SEC11A: variants seen among roughly 807,000 people sequenced by gnomAD.
SEC11A encodes the protein SEC11 homolog A, signal peptidase complex subunit, also known as signal peptidase complex catalytic subunit SEC11A.
In SEC11A, 14 loss-of-function variants were observed where a neutral mutation model predicts 25.6. That is an observed-to-expected ratio of 0.55 (90% CI 0.36 to 0.85). The LOEUF is 0.85. SEC11A is among the 40% of genes least tolerant of loss of function. The probability of loss-of-function intolerance (pLI) is 0.01; values close to 1 mark genes in which losing one functional copy is unlikely to be tolerated. For missense variants in SEC11A, 153 were observed against 222.9 expected (o/e 0.69, Z 2.00); for synonymous variants, 83 against 76.4 (o/e 1.09, Z -0.45).
At chr15:84,680,853 C>T (rs1249040501) in intron 3 of SEC11A, 21 bp from the exon 4 acceptor site, 1 of 1,581,806 alleles carries the variant, frequency 6.3e-7, no homozygotes, top group Admixed American at 1.8e-5. Context: ...TAAAGGAAAC[C>T]CAAGTCATCA....
At chr15:84,671,618 ATAATTAGTTG>A (rs771105392) in intron 4 of SEC11A, 3 of 152,206 alleles carry the variant, frequency 2.0e-5, no homozygotes, top group Non-Finnish European at 4.4e-5. Flanking sequence ...TTTTACTTAA[ATAATTAGTTG>A]TACAACAGAT....
intron 1 of SEC11A, among the ~76,000 whole-genome samples, chr15:84,700,018 A>G (rs1196577902): frequency 6.6e-6 from 1 of 151,940 alleles, no homozygotes; most frequent in African/African-American, 2.4e-5. Context: ...GTAGTGCAAA[A>G]TTAGCCACAG....
At chr15:84,712,429 C>T (rs972063826) in intron 1 of SEC11A, among the ~76,000 whole-genome samples, 1 of 149,642 alleles carries the variant, frequency 6.7e-6, no homozygotes. Context: ...AAAACTGAAA[C>T]ATACTCTTTT....
chr15:84,680,971 A>G, intron 3 of SEC11A, 139 bp from the exon 4 acceptor site: 1 of 669,596 alleles, frequency 1.5e-6, no homozygotes, highest in Non-Finnish European at 2.4e-6. Context: ...TTATTTATGG[A>G]GCTACAAGAA....
chr15:84,690,300 T>G (rs1295141833), intron 2 of SEC11A, among the ~76,000 whole-genome samples: 1 of 152,204 alleles, frequency 6.6e-6, no homozygotes, highest in Non-Finnish European at 1.5e-5. Flanking sequence ...TCTGCCGCCA[T>G]GTGAGACCTG....
At chr15:84,692,224 G>T (rs539390223) in intron 1 of SEC11A, 1 of 152,032 alleles carries the variant, frequency 6.6e-6, no homozygotes, top group Admixed American at 6.6e-5. Flanking sequence ...TAGAAACTGG[G>T]TTTCACCATG....
intron 1 of SEC11A, among the ~76,000 whole-genome samples, chr15:84,700,149 A>T (rs751974447): frequency 1.9e-4 from 29 of 151,934 alleles, no homozygotes; most frequent in Non-Finnish European, 3.8e-4. Context: ...GCAAATCCAA[A>T]CATATCCAGC....
intron 1 of SEC11A, among the ~76,000 whole-genome samples, chr15:84,692,576 C>G (rs958484101): frequency 2.0e-5 from 3 of 152,042 alleles, no homozygotes; most frequent in Non-Finnish European, 2.9e-5. Context: ...GACGGCATTT[C>G]AATTTCAAAT....
chr15:84,679,997 T>A (rs1391212091), intron 4 of SEC11A: 1 of 1,423,824 alleles, frequency 7.0e-7, no homozygotes, highest in African/African-American at 1.4e-5. Flanking sequence ...AATATAACTT[T>A]TTAATTTCAT....
chr15:84,701,496 G>A (rs369383227), intron 1 of SEC11A, among the ~76,000 whole-genome samples: 4 of 149,814 alleles, frequency 2.7e-5, no homozygotes, highest in East Asian at 3.9e-4. Flanking sequence ...TACTTATTGA[G>A]ATCATGCCAC....
chr15:84,670,339 C>T, intron 5 of SEC11A: 1 of 306,916 alleles, frequency 3.3e-6, no homozygotes, highest in South Asian at 4.1e-5. Context: ...CATATTCAAG[C>T]AATTCTCGTG....
chr15:84,700,762 C>A lies in SEC11A; in HGVS notation c.52-9118G>T, dbSNP rs187038609. ...TTGGGAAGCCGAGGCAGGCAGATAA[C>A]CTGAGGTTGGGAATTTGAGACCAGC... On this transcript the variant is annotated intron_variant, in intron 1 of 5. Coordinates refer to ENST00000268220, the MANE Select transcript of SEC11A (RefSeq NM_014300.4). Among the ~76,000 whole-genome samples, 8 of 150,888 alleles carry A rather than the reference C, an allele frequency of 5.3e-5. No homozygotes were observed. In the Admixed American group the frequency reaches 5.3e-4, roughly 10 times the overall value.
intron 4 of SEC11A, among the ~76,000 whole-genome samples, chr15:84,675,225 C>G (rs576749427): frequency 6.6e-5 from 10 of 152,294 alleles, no homozygotes; most frequent in African/African-American, 2.4e-4. Flanking sequence ...TAGCCTGTGC[C>G]AAGTTAATAT....
At chr15:84,676,456 A>T (rs1449588784) in intron 4 of SEC11A, among the ~76,000 whole-genome samples, 2 of 151,352 alleles carry the variant, frequency 1.3e-5, no homozygotes, top group Non-Finnish European at 2.9e-5. Flanking sequence ...TGTCTCAAAA[A>T]AAAAAAAATT....
intron 1 of SEC11A, among the ~76,000 whole-genome samples, chr15:84,702,161 A>G (rs1385120536): frequency 6.7e-6 from 1 of 148,526 alleles, no homozygotes; most frequent in Non-Finnish European, 1.5e-5. Context: ...AACCCGGCTA[A>G]TTTTTTCAAA....
chr15:84,677,953 T>C (rs892284145), intron 4 of SEC11A, among the ~76,000 whole-genome samples: 1 of 152,136 alleles, frequency 6.6e-6, no homozygotes, highest in Non-Finnish European at 1.5e-5. Context: ...CCCAGCACTT[T>C]AGGAGACCAT....
intron 3 of SEC11A, among the ~76,000 whole-genome samples, chr15:84,682,601 A>C (rs1006833310): frequency 6.6e-6 from 1 of 151,904 alleles, no homozygotes; most frequent in Admixed American, 6.6e-5. Flanking sequence ...AGCGCCCGCC[A>C]CCACACCCAG....
In SEC11A at chr15:84,680,808, C is replaced by A; in HGVS notation, c.336G>T (p.Leu112Phe). The A allele has an allele frequency of 1.2e-6, 2 of 1,610,294 alleles. No homozygotes were observed. The highest frequency in any genetic ancestry group is 2.2e-5 in the South Asian group (2 of 90,646). ...CAACCGCATTATTATCTCCTTTGGT[C>A]AAAAACTTGATATGCCCATTTTGCC... ...HEKQNGHIKF[L>F]TKGDNNAVDD... Residue 112 changes from leucine (L) to phenylalanine (F), a missense_variant, in exon 4 of 6, where the codon TTG becomes TTT. By Grantham distance (22) the Leu-to-Phe change is conservative. Coordinates refer to ENST00000268220, the MANE Select transcript of SEC11A (RefSeq NM_014300.4).
chr15:84,699,746 A>G (rs1179878389), intron 1 of SEC11A, among the ~76,000 whole-genome samples: 1 of 150,238 alleles, frequency 6.7e-6, no homozygotes, highest in African/African-American at 2.5e-5. Context: ...GCAATACAGC[A>G]AGATCCCCGT....
Sources: gnomAD v4.1 joint callset for allele counts (sites outside exome capture counted in the v4.1 genomes callset) on GRCh38, gnomAD v4.1.1 for gene constraint, MANE v1.5 for transcripts, NCBI Gene and HGNC (gene_info 2026-07-23, HGNC 2026-07-21) for gene names.